PIK3C2A: variants seen among roughly 807,000 people sequenced by gnomAD.
PIK3C2A encodes phosphatidylinositol 4-phosphate 3-kinase C2 domain-containing subunit alpha.
In PIK3C2A, 97 loss-of-function variants were observed where a neutral mutation model predicts 204.5. The ratio of observed to expected loss-of-function variants is 0.47; its 90% CI spans 0.40 to 0.56. PIK3C2A has a LOEUF of 0.56. Among genes scored for constraint, PIK3C2A ranks in the 20% least tolerant of loss-of-function variants. The pLI, the probability that PIK3C2A is intolerant of heterozygous loss-of-function variation, is 0.00. For missense variants in PIK3C2A, 1,735 were observed against 1,969.2 expected (o/e 0.88, Z 2.25); for synonymous variants, 653 against 664.4 (o/e 0.98, Z 0.26).
chr11:17,179,027 G>GGC (rs755724293), intron 1 of PIK3C2A, among the ~76,000 whole-genome samples: 151,868 of 151,888 alleles, frequency 1, 75,924 homozygotes, highest in Middle Eastern at 1. Context: ...CCGCGCCCCC[G>GGC]CTGATTTTTG....
chr11:17,089,661 GTGTGTC>G lies in PIK3C2A; in HGVS notation c.*71_*76del, dbSNP rs1848241006. ...ATACAAAATTAACAAGTGTGTGTGT[GTGTGTC>G]TGTGTGTGTGTGCATGTATGCATGC... is the stretch of plus-strand genomic sequence containing the variant. On this transcript the variant is annotated 3_prime_UTR_variant, in exon 33 of 33. Coordinates refer to ENST00000691414, the MANE Select transcript of PIK3C2A (RefSeq NM_002645.4). The G allele has an allele frequency of 2.5e-6, 2 of 796,628 alleles. No homozygotes were observed. Among genetic ancestry groups the G allele is most frequent in the Non-Finnish European group, 4.1e-6 (2 of 483,094 alleles). 49.3% of individuals were successfully genotyped at this position (796,628 alleles called of 1,614,324 possible). A position where few individuals can be genotyped will look rare whatever the true frequency, so the allele number is the denominator to read the frequency against.
chr11:17,155,014 G>C (rs144951592), intron 3 of PIK3C2A, among the ~76,000 whole-genome samples: 2 of 152,290 alleles, frequency 1.3e-5, no homozygotes, highest in East Asian at 3.9e-4. Context: ...AGTAAAGTTT[G>C]TTAGGTTACT....
chr11:17,121,442 A>G (rs1849363578), intron 15 of PIK3C2A, among the ~76,000 whole-genome samples: 2 of 152,154 alleles, frequency 1.3e-5, no homozygotes, highest in African/African-American at 4.8e-5. Context: ...AATAATCCAA[A>G]TAAGTACTGC....
At chr11:17,181,592 T>A (rs1478912914) in intron 1 of PIK3C2A, among the ~76,000 whole-genome samples, 2 of 131,060 alleles carry the variant, frequency 1.5e-5, no homozygotes, top group South Asian at 5.1e-4. Context: ...CATGGTGAGA[T>A]CCCATTTTTA....
intron 1 of PIK3C2A, among the ~76,000 whole-genome samples, chr11:17,182,520 G>A (rs1456843627): frequency 7.1e-6 from 1 of 140,386 alleles, no homozygotes. Context: ...AGTGAGTCAA[G>A]ATCATTCACT....
intron 11 of PIK3C2A, among the ~76,000 whole-genome samples, chr11:17,133,667 C>T (rs577333711): frequency 6.6e-6 from 1 of 152,182 alleles, no homozygotes; most frequent in East Asian, 1.9e-4. Context: ...GTGACTCATG[C>T]CTGTAATCCC....
At chr11:17,119,638 C>G (rs1337874647) in intron 16 of PIK3C2A, 148 bp downstream of exon 16, 1 of 549,374 alleles carries the variant, frequency 1.8e-6, no homozygotes, top group Non-Finnish European at 3.1e-6. Flanking sequence ...AACTTCAATG[C>G]AGAAGATATG....
intron 15 of PIK3C2A, 101 bp from the exon 16 acceptor site, chr11:17,120,075 T>A: frequency 1.8e-6 from 1 of 545,248 alleles, no homozygotes; most frequent in Non-Finnish European, 3.1e-6. Flanking sequence ...TTGGGACAGC[T>A]ACTTCTTCAT....
chr11:17,109,975 T>C (rs563269244), intron 22 of PIK3C2A, among the ~76,000 whole-genome samples: 163 of 152,228 alleles, frequency 1.1e-3, no homozygotes, highest in African/African-American at 3.7e-3. Context: ...TATTTTGAGA[T>C]AGAGTCTCAC....
At chr11:17,203,876 T>G (rs1018712551) in intron 1 of PIK3C2A, among the ~76,000 whole-genome samples, 2 of 152,090 alleles carry the variant, frequency 1.3e-5, no homozygotes, top group African/African-American at 4.8e-5. Flanking sequence ...ATTGAGACCA[T>G]CCTGGCTAAC....
chr11:17,180,839 T>C (rs1011061072), intron 1 of PIK3C2A, among the ~76,000 whole-genome samples: 1 of 152,198 alleles, frequency 6.6e-6, no homozygotes, highest in Non-Finnish European at 1.5e-5. Flanking sequence ...TGGGTTCCTA[T>C]ATTACTTGTA....
chr11:17,150,402 A>C (rs1003529736), intron 4 of PIK3C2A, 96 bp downstream of exon 4: 17 of 1,110,746 alleles, frequency 1.5e-5, no homozygotes, highest in Non-Finnish European at 1.9e-5. Context: ...AAAGACACAT[A>C]ACAAAATTGG....
intron 23 of PIK3C2A, among the ~76,000 whole-genome samples, chr11:17,104,342 A>G (rs534963907): frequency 2.0e-5 from 3 of 152,322 alleles, no homozygotes; most frequent in Non-Finnish European, 4.4e-5. Flanking sequence ...AAAAATCTCA[A>G]TGCTTATGTT....
chr11:17,181,346 AT>A (rs75441780), intron 1 of PIK3C2A, among the ~76,000 whole-genome samples: 10 of 148,696 alleles, frequency 6.7e-5, no homozygotes, highest in South Asian at 2.1e-4. Context: ...CAATCATCTG[AT>A]TTTTTTTTTT....
chr11:17,142,786 T>C (rs1374699561), intron 8 of PIK3C2A, among the ~76,000 whole-genome samples: 1 of 152,122 alleles, frequency 6.6e-6, no homozygotes, highest in African/African-American at 2.4e-5. Flanking sequence ...ATCATGGAAG[T>C]CCTTGATGAC....
intron 1 of PIK3C2A, among the ~76,000 whole-genome samples, chr11:17,187,753 C>T (rs917768029): frequency 6.6e-6 from 1 of 151,670 alleles, no homozygotes; most frequent in Non-Finnish European, 1.5e-5. Context: ...GGGAAGGATT[C>T]GGGGAAAAAG....
At chr11:17,111,807 G>C (rs544539915) in intron 21 of PIK3C2A, among the ~76,000 whole-genome samples, 1 of 149,528 alleles carries the variant, frequency 6.7e-6, no homozygotes, top group Admixed American at 6.7e-5. Flanking sequence ...AACTAGGGAG[G>C]TGAAGGTTGC....
intron 12 of PIK3C2A, among the ~76,000 whole-genome samples, chr11:17,130,353 G>C (rs1346169481): frequency 6.6e-6 from 1 of 152,086 alleles, no homozygotes; most frequent in Non-Finnish European, 1.5e-5. Context: ...CTACTTATAT[G>C]CATTTTTGTG....
chr11:17,119,325 C>T lies in PIK3C2A; in HGVS notation c.2847-12G>A. ...CCTGATCAGCAAATCTAGAAGATTA[C>T]CATAAAACCAAGATTGGACAGTGAT... On this transcript the variant is annotated splice_polypyrimidine_tract_variant and intron_variant, in intron 16 of 32. Transcript: ENST00000691414. 1 of 1,491,796 alleles carries T rather than the reference C, an allele frequency of 6.7e-7. No homozygotes were observed. Among genetic ancestry groups the T allele is most frequent in the Non-Finnish European group, 9.3e-7 (1 of 1,070,632 alleles). 92.4% of individuals were successfully genotyped at this position (1,491,796 alleles called of 1,614,324 possible).
Sources: allele counts gnomAD v4.1 joint callset (sites outside exome capture counted in the v4.1 genomes callset), GRCh38; gene constraint gnomAD v4.1.1; transcripts MANE v1.5; gene names NCBI Gene and HGNC (gene_info 2026-07-23, HGNC 2026-07-21).